The following USP20 variants were observed in gnomAD, a reference collection of about 807,000 sequenced individuals.
The protein encoded by USP20 is ubiquitin specific peptidase 20.
Under a neutral mutation model 124.2 loss-of-function variants are expected in USP20, and 80 were observed. The observed-to-expected ratio is 0.64, with a 90% confidence interval of 0.54 to 0.78. The LOEUF is 0.78. USP20 is among the 30% of genes least tolerant of loss of function. USP20 has a pLI of 0.00. For synonymous variants in USP20, 481 were observed against 512.3 expected (o/e 0.94, Z 0.83); for missense variants, 1,043 against 1,244.4 (o/e 0.84, Z 2.44).
At chr9:129,865,227 G>A (rs554398896) in intron 9 of USP20, 76 bp from the exon 10 acceptor site, 157 of 1,510,920 alleles carry the variant, frequency 1.0e-4, no homozygotes, top group Non-Finnish European at 1.2e-4. Context: ...AGCCTGACGG[G>A]CTGGCTGCCT....
chr9:129,863,998 CG>C (rs1564209928), intron 9 of USP20, among the ~76,000 whole-genome samples: 1 of 150,778 alleles, frequency 6.6e-6, no homozygotes, highest in Non-Finnish European at 1.5e-5. Context: ...CCCAGCTACT[CG>C]GGAGGCTGAG....
intron 1 of USP20, among the ~76,000 whole-genome samples, chr9:129,845,503 C>A (rs2032488171): frequency 6.6e-6 from 1 of 152,102 alleles, no homozygotes; most frequent in Non-Finnish European, 1.5e-5. Flanking sequence ...GAGGGGACTT[C>A]TGAGAGGAAA....
chr9:129,867,889 G>C (rs1335662477), intron 10 of USP20, 116 bp from the exon 11 acceptor site: 1 of 1,291,814 alleles, frequency 7.7e-7, no homozygotes, highest in Non-Finnish European at 1.0e-6. Context: ...TCTTCTGCAG[G>C]GGGCGCCCAT....
intron 10 of USP20, among the ~76,000 whole-genome samples, chr9:129,866,164 C>G (rs2033810910): frequency 6.6e-6 from 1 of 152,164 alleles, no homozygotes; most frequent in Non-Finnish European, 1.5e-5. Context: ...TGGGTCACCT[C>G]TTGTGCTGCC....
intron 23 of USP20, 29 bp downstream of exon 23, chr9:129,878,469 C>T (rs1412535651): frequency 4.5e-6 from 7 of 1,559,556 alleles, no homozygotes; most frequent in Non-Finnish European, 6.1e-6. Context: ...TGGCACTTAC[C>T]TGCCCTGGGG....
chr9:129,869,472 C>T (rs2034008170), intron 13 of USP20, 47 bp downstream of exon 13: 1 of 1,589,478 alleles, frequency 6.3e-7, no homozygotes, highest in Admixed American at 1.7e-5. Flanking sequence ...TGCCAGTGGC[C>T]TCAGCAGCTC....
rs1384688181 is a variant in USP20, at chr9:129,839,998, G to A, written c.-129+4499G>A. On this transcript the variant is annotated intron_variant, in intron 1 of 25. Transcript: ENST00000372429. This position sits in a 1 kb window ranked among gnomAD's most constrained non-coding sequence, Gnocchi z 4.5. The stretch of plus-strand genomic sequence containing the variant: ...GCATCTTGGAGGTCTCCTGGGGCCA[G>A]CAATGGTGGGCTCTTTGCCAAAAGT... Among the ~76,000 whole-genome samples, 1 of 152,164 alleles carries A rather than the reference G, an allele frequency of 6.6e-6. No homozygotes were observed. The highest frequency in any genetic ancestry group is 2.4e-5 in the African/African-American group (1 of 41,442).
chr9:129,875,558 A>G lies in USP20; in HGVS notation c.2219-2A>G, dbSNP rs2131098924. 6.2e-7 allele frequency: 1 copy of G among 1,614,054 alleles called. No homozygotes were observed. Among genetic ancestry groups the G allele is most frequent in the East Asian group, 2.2e-5 (1 of 44,880 alleles). ...GCTTCGCTCCCTGTACCTTCTTCCC[A>G]GGCATCCCGCCCCACAAATACCACT... On this transcript the variant is annotated splice_acceptor_variant, in intron 20 of 25. Transcript: ENST00000372429. LOFTEE classifies it high-confidence loss of function.
At position 129,875,547 on chromosome 9, in the gene USP20, A is replaced by G. The variant is rs753016078; in HGVS notation, c.2219-13A>G. 2.5e-6 allele frequency: 4 copies of G among 1,613,918 alleles called. No individual in the cohort carries two copies. Among genetic ancestry groups the G allele is most frequent in the Non-Finnish European group, 2.5e-6 (3 of 1,179,920 alleles). ...GCCGAGCCACAGCTTCGCTCCCTGT[A>G]CCTTCTTCCCAGGCATCCCGCCCCA... is the stretch of plus-strand genomic sequence containing the variant. On this transcript the variant is annotated splice_polypyrimidine_tract_variant and intron_variant, in intron 20 of 25. Coordinates refer to ENST00000372429, the MANE Select transcript of USP20 (RefSeq NM_001110303.4).
At chr9:129,855,648 T>G (rs1003727614) in intron 3 of USP20, among the ~76,000 whole-genome samples, 9 of 152,166 alleles carry the variant, frequency 5.9e-5, no homozygotes, top group African/African-American at 1.2e-4. Context: ...TCGTTTTTGC[T>G]AGTTTGACTA....
At position 129,848,483 on chromosome 9, in the gene USP20, A is replaced by ACAGAC. The variant is rs552069097; in HGVS notation, c.-128-1330_-128-1329insCAGAC. On this transcript the variant is annotated intron_variant, in intron 1 of 25. Transcript: ENST00000372429. ...AATGTAAGTCCAATTGCACTTGCAA[A>ACAGAC]TCAAGAGTGAGTCTGTTAAATTAGC... is the stretch of plus-strand genomic sequence containing the variant. Among the ~76,000 whole-genome samples, 131 of 151,636 alleles carry ACAGAC rather than the reference A, an allele frequency of 8.6e-4. 2 individuals are homozygous for ACAGAC. Among genetic ancestry groups the ACAGAC allele is most frequent in the South Asian group, 5.0e-3 (24 of 4,804 alleles).
intron 3 of USP20, among the ~76,000 whole-genome samples, chr9:129,852,969 G>A (rs2033008403): frequency 6.6e-6 from 1 of 152,140 alleles, no homozygotes; most frequent in Non-Finnish European, 1.5e-5. Flanking sequence ...CTCCAGGAGG[G>A]CTCAGGGAAG....
intron 3 of USP20, among the ~76,000 whole-genome samples, chr9:129,853,355 A>G (rs1302125859): frequency 2.0e-5 from 3 of 152,172 alleles, no homozygotes; most frequent in Admixed American, 6.5e-5. Flanking sequence ...CAGCTTTCAC[A>G]TTTGTTACCT....
intron 8 of USP20, among the ~76,000 whole-genome samples, chr9:129,862,675 G>A (rs931138052): frequency 4.6e-5 from 7 of 152,170 alleles, no homozygotes; most frequent in African/African-American, 1.7e-4. Context: ...GGAGGTCAAG[G>A]CAAGTGGATC....
rs189092444 is a variant in USP20 at position 129,860,362 on chromosome 9, C to G, written c.331-575C>G. On this transcript the variant is annotated intron_variant, in intron 6 of 25. Coordinates refer to ENST00000372429, the MANE Select transcript of USP20 (RefSeq NM_001110303.4). Reference sequence around the variant, plus strand: ...AAAAAAAAAACGTCTACATAAGATACATACAGACTATTAACAGCAGTTCTC... The same window carrying G: ...AAAAAAAAAACGTCTACATAAGATAGATACAGACTATTAACAGCAGTTCTC... Among the ~76,000 whole-genome samples, 329 of 150,858 alleles carry G rather than the reference C, an allele frequency of 2.2e-3. 2 individuals are homozygous for G. Among genetic ancestry groups the G allele is most frequent in the African/African-American group, 7.6e-3 (312 of 41,138 alleles).
rs946364897 is a variant in USP20, at chr9:129,869,787, G to A, written c.1508G>A (p.Cys503Tyr). The change falls in exon 14 of 26, where the codon TGT (cysteine) becomes TAT (tyrosine). Residue 503 changes from cysteine to tyrosine, a missense_variant. Cys to Tyr is a radical substitution (Grantham distance 194, BLOSUM62 -2). Coordinates refer to ENST00000372429, the MANE Select transcript of USP20 (RefSeq NM_001110303.4). ...AATGTGCCGGCCAAGCCAGGCGCCT[G>A]TGGGGACAGCTATGCCGCCCAGGGC... ...YQNVPAKPGA[C>Y]GDSYAAQGWL... 11 of 1,614,042 alleles carry A rather than the reference G, an allele frequency of 6.8e-6. No homozygotes were observed. Among genetic ancestry groups the A allele is most frequent in the African/African-American group, 1.3e-5 (1 of 75,076 alleles).
chr9:129,867,593 G>A (rs1228815228), intron 10 of USP20, among the ~76,000 whole-genome samples: 2 of 151,972 alleles, frequency 1.3e-5, no homozygotes, highest in African/African-American at 4.8e-5. Context: ...TCATCCTTCC[G>A]CCACCCCCCT....
At chr9:129,874,021 T>C (rs971289378) in intron 17 of USP20, among the ~76,000 whole-genome samples, 1 of 152,168 alleles carries the variant, frequency 6.6e-6, no homozygotes, top group Non-Finnish European at 1.5e-5. Context: ...GACACTGGGT[T>C]ACCACCCCCA....
At position 129,865,398 on chromosome 9, in the gene USP20, GCC is replaced by G. The variant is rs1391912742; in HGVS notation, c.690+19_690+20del. The G allele has an allele frequency of 1.2e-6, 2 of 1,613,864 alleles. No homozygotes were observed. Among genetic ancestry groups the G allele is most frequent in the Non-Finnish European group, 1.7e-6 (2 of 1,179,856 alleles). Reference sequence around the variant, plus strand: ...GCCCAGCAGGTAAGCCATCTGAGCTGCCCAGGGGACACCCAAGGCCATGACCC... The same window carrying G: ...GCCCAGCAGGTAAGCCATCTGAGCTGCAGGGGACACCCAAGGCCATGACCC... On this transcript the variant is annotated intron_variant, in intron 10 of 25. Transcript: ENST00000372429.
Sources: allele counts gnomAD v4.1 joint callset (sites outside exome capture counted in the v4.1 genomes callset), GRCh38; gene constraint gnomAD v4.1.1; non-coding constraint Gnocchi (gnomAD v3.1); transcripts MANE v1.5; gene names NCBI Gene and HGNC (gene_info 2026-07-23, HGNC 2026-07-21).